Variants in SYTL3 observed in about 807,000 individuals in gnomAD.
SYTL3 encodes synaptotagmin-like protein 3.
In SYTL3, 88 loss-of-function variants were observed where a neutral mutation model predicts 82.1. The observed-to-expected ratio is 1.07, with a 90% CI of 0.90 to 1.28. The LOEUF (loss-of-function observed/expected upper bound fraction) is 1.28. Ranked by LOEUF, SYTL3 falls within the 50% of genes most tolerant of loss-of-function variation. The pLI, the probability that SYTL3 is intolerant of heterozygous loss-of-function variation, is 0.00. For missense variants in SYTL3, 831 were observed against 757.6 expected (o/e 1.10, Z -1.14); for synonymous variants, 311 against 289.4 (o/e 1.07, Z -0.76).
Position 158,688,757 on chromosome 6 carries a change from G to C in SYTL3, c.394+5768G>C, listed in dbSNP as rs79202371. Among the ~76,000 whole-genome samples, 557 of 152,178 alleles carry C rather than the reference G, an allele frequency of 3.7e-3. 5 individuals carry two copies. Among genetic ancestry groups the C allele is most frequent in the Admixed American group, 0.022 (333 of 15,304 alleles). ...TGAGTGTATGTATCTATGCTTGTGG[G>C]TGCATATCTGTATGTGTGGATATAT... On this transcript the variant is annotated intron_variant, in intron 6 of 17. Coordinates refer to ENST00000611299, the MANE Select transcript of SYTL3 (RefSeq NM_001242394.2).
intron 17 of SYTL3, among the ~76,000 whole-genome samples, chr6:158,764,244 G>C (rs890579942): frequency 6.6e-6 from 1 of 152,132 alleles, no homozygotes; most frequent in African/African-American, 2.4e-5. Context: ...CAGAGTCCTC[G>C]CCTCACTTTC....
rs754090561 is a variant in SYTL3 at position 158,764,532 on chromosome 6, A to T, written c.1761A>T (p.Leu587=). ...DTAVGGDACS[L]SKLQWQKVLS... ...CTGTTGGCGGGGATGCATGCTCACT[A>T]TCGAAGCTCCAGTGGCAGAAAGTCC... Residue 587 remains leucine (L), a synonymous_variant, in exon 18 of 18, where the codon CTA becomes CTT. Coordinates refer to ENST00000611299, the MANE Select transcript of SYTL3 (RefSeq NM_001242394.2). The T allele has an allele frequency of 6.2e-7, 1 of 1,614,072 alleles. No individual in the cohort carries two copies. The highest frequency in any genetic ancestry group is 1.7e-5 in the Admixed American group (1 of 60,014).
intron 5 of SYTL3, among the ~76,000 whole-genome samples, chr6:158,667,923 G>A (rs1790276379): frequency 6.6e-6 from 1 of 152,216 alleles, no homozygotes; most frequent in Non-Finnish European, 1.5e-5. Context: ...GGCCCTGGGA[G>A]CTCAGAGAGG....
chr6:158,714,484 T>C (rs2128464757), intron 9 of SYTL3, among the ~76,000 whole-genome samples: 1 of 152,368 alleles, frequency 6.6e-6, no homozygotes, highest in Admixed American at 6.5e-5. Context: ...TCCTCCTTGG[T>C]AAATGTATTT....
In SYTL3 at chr6:158,762,102, CA is replaced by C; in HGVS notation, c.1443del (p.Gln481HisfsTer5). 6.2e-7 allele frequency: 1 copy of C among 1,613,984 alleles called. No homozygotes were observed. The highest frequency in any genetic ancestry group is 1.1e-5 in the South Asian group (1 of 91,062). ...EGTDQPSLHG[Q>X]LCLVVLGAKN... ...GACAGATCAGCCATCACTTCATGGT[CA>C]ACTTTGTTTGGTAGTGCTAGGAGCC... On this transcript the variant is annotated frameshift_variant, in exon 16 of 18. Transcript: ENST00000611299. LOFTEE classifies it high-confidence loss of function.
intron 12 of SYTL3, among the ~76,000 whole-genome samples, chr6:158,749,802 C>T (rs371274474): frequency 6.6e-6 from 1 of 152,122 alleles, no homozygotes; most frequent in East Asian, 1.9e-4. Flanking sequence ...TCGACACATT[C>T]TCAAGAGACA....
intron 6 of SYTL3, among the ~76,000 whole-genome samples, chr6:158,704,697 G>C (rs1056970094): frequency 2.0e-5 from 3 of 152,276 alleles, no homozygotes; most frequent in Non-Finnish European, 4.4e-5. Flanking sequence ...TTCAGACCAC[G>C]CCATAGGGAG....
chr6:158,725,771 AT>A (rs1252252906), intron 11 of SYTL3, 134 bp downstream of exon 11: 5 of 1,206,300 alleles, frequency 4.1e-6, no homozygotes, highest in South Asian at 2.9e-5. Context: ...GCATTTTATT[AT>A]CCATCCTTCC....
At chr6:158,721,503 G>A (rs909400111) in intron 10 of SYTL3, among the ~76,000 whole-genome samples, 5 of 151,940 alleles carry the variant, frequency 3.3e-5, no homozygotes, top group Admixed American at 2.0e-4. Context: ...GAGCCACCAC[G>A]CCCAGCCAGA....
chr6:158,693,875 T>A (rs1780272666), intron 6 of SYTL3, among the ~76,000 whole-genome samples: 1 of 138,318 alleles, frequency 7.2e-6, no homozygotes, highest in African/African-American at 3.0e-5. Flanking sequence ...TTTTTTTTTG[T>A]AGATACAGGG....
intron 11 of SYTL3, among the ~76,000 whole-genome samples, chr6:158,730,196 A>T (rs1444474799): frequency 1.3e-5 from 2 of 152,180 alleles, no homozygotes; most frequent in Non-Finnish European, 2.9e-5. Flanking sequence ...ACCTATTTTT[A>T]AAAGTTTTAA....
chr6:158,723,312 G>A (rs991861229), intron 10 of SYTL3, among the ~76,000 whole-genome samples: 1 of 151,720 alleles, frequency 6.6e-6, no homozygotes, highest in Non-Finnish European at 1.5e-5. Flanking sequence ...TCCTGACCTC[G>A]TGATCTGCCT....
intron 11 of SYTL3, among the ~76,000 whole-genome samples, chr6:158,743,727 T>G (rs929085339): frequency 2.7e-5 from 4 of 149,528 alleles, no homozygotes; most frequent in African/African-American, 9.9e-5. Context: ...ATTACAGGCA[T>G]GAGCCACTGT....
chr6:158,683,132 C>T (rs1193141361), intron 6 of SYTL3, 143 bp downstream of exon 6: 22 of 600,490 alleles, frequency 3.7e-5, no homozygotes, highest in Non-Finnish European at 6.4e-5. Flanking sequence ...TGCTGATGCT[C>T]TCACTGTAAT....
At chr6:158,678,323 ACTT>A (rs566113409) in intron 5 of SYTL3, among the ~76,000 whole-genome samples, 260 of 152,264 alleles carry the variant, frequency 1.7e-3, no homozygotes, top group African/African-American at 5.9e-3. Context: ...CCAATTTTCT[ACTT>A]CTTGTCAGTT....
At chr6:158,745,019 A>G (rs1787433266) in intron 11 of SYTL3, among the ~76,000 whole-genome samples, 1 of 152,078 alleles carries the variant, frequency 6.6e-6, no homozygotes. Context: ...GGTTTTTTCC[A>G]GTTAGACTTT....
chr6:158,757,306 G>C lies in SYTL3; in HGVS notation c.1233G>C (p.Val411=). The part of the protein sequence containing the change: ...TLARRVFLGE[V]IIPLATWDFE... ...CCCGGAGAGTGTTTCTTGGAGAAGTGATCATTCCTCTGGCCACGTGGGACT... is the reference window on the plus strand; with the variant it reads ...CCCGGAGAGTGTTTCTTGGAGAAGTCATCATTCCTCTGGCCACGTGGGACT... The change falls in exon 14 of 18, where the codon GTG becomes GTC. Residue 411 remains valine (V), a synonymous_variant. Transcript: ENST00000611299. The C allele has an allele frequency of 6.2e-7, 1 of 1,613,992 alleles. No homozygotes were observed. Among genetic ancestry groups the C allele is most frequent in the South Asian group, 1.1e-5 (1 of 91,062 alleles).
At chr6:158,760,023 C>T (rs1789695748) in intron 14 of SYTL3, among the ~76,000 whole-genome samples, 1 of 152,172 alleles carries the variant, frequency 6.6e-6, no homozygotes, top group Non-Finnish European at 1.5e-5. Flanking sequence ...TCCCAATACT[C>T]TCCTCCCACC....
At chr6:158,662,401 T>C (rs1215849947) in intron 3 of SYTL3, among the ~76,000 whole-genome samples, 1 of 152,210 alleles carries the variant, frequency 6.6e-6, no homozygotes, top group South Asian at 2.1e-4. Context: ...ACATCCTTAA[T>C]TGATTAAACA....
Sources: gnomAD v4.1 joint callset for allele counts (sites outside exome capture counted in the v4.1 genomes callset) on GRCh38, gnomAD v4.1.1 for gene constraint, MANE v1.5 for transcripts, NCBI Gene and HGNC (gene_info 2026-07-23, HGNC 2026-07-21) for gene names.